Variants in ITPR2 observed in about 807,000 individuals in gnomAD.
The protein encoded by ITPR2 is inositol 1,4,5-trisphosphate receptor type 2.
Under a neutral mutation model 317.1 loss-of-function variants are expected in ITPR2, and 207 were observed. The observed-to-expected ratio is 0.65, with a 90% CI of 0.58 to 0.73. ITPR2 has a LOEUF of 0.73. Ranked by LOEUF, ITPR2 falls within the 30% of genes least tolerant of loss-of-function variation. ITPR2 has a pLI of 0.00. For synonymous variants in ITPR2, 1,156 were observed against 1,149.1 expected (o/e 1.01, Z -0.12); for missense variants, 2,613 against 3,284.0 (o/e 0.80, Z 4.99).
chr12:26,350,620 A>G (rs1402940719), intron 55 of ITPR2, among the ~76,000 whole-genome samples: 1 of 151,874 alleles, frequency 6.6e-6, no homozygotes, highest in African/African-American at 2.4e-5. Flanking sequence ...AGGACCCTTG[A>G]GCTTAGCTTT....
intron 19 of ITPR2, 83 bp downstream of exon 19, chr12:26,656,214 A>G (rs777089936): frequency 2.1e-5 from 32 of 1,524,886 alleles, no homozygotes; most frequent in Non-Finnish European, 2.5e-5. Context: ...GCCTTTCCAC[A>G]TGTTTCATTT....
In ITPR2 at chr12:26,602,572, G is replaced by A. The variant is rs760340842; in HGVS notation, c.3552+45C>T. On this transcript the variant is annotated intron_variant, in intron 27 of 56. Coordinates refer to ENST00000381340, the MANE Select transcript of ITPR2 (RefSeq NM_002223.4). Reference sequence around the variant, plus strand: ...ATAATATATAAGCAAAACTTATTTGGCATGCAAATATAAACCTATATAAGA... The same window carrying A: ...ATAATATATAAGCAAAACTTATTTGACATGCAAATATAAACCTATATAAGA... The A allele has an allele frequency of 1.5e-5, 23 of 1,558,358 alleles. No homozygotes were observed. In the South Asian group the frequency reaches 2.4e-4, roughly 16 times the overall value.
intron 2 of ITPR2, among the ~76,000 whole-genome samples, chr12:26,764,766 T>C (rs1349610190): frequency 6.6e-6 from 1 of 151,982 alleles, no homozygotes; most frequent in Non-Finnish European, 1.5e-5. Context: ...AGAGAAATTA[T>C]ATAGATGGCA....
intron 45 of ITPR2, among the ~76,000 whole-genome samples, chr12:26,445,714 C>T (rs529713125): frequency 1.3e-5 from 2 of 152,002 alleles, no homozygotes; most frequent in Admixed American, 1.3e-4. Context: ...GATACCAAAG[C>T]TTAATTGTAG....
chr12:26,488,331 T>C (rs768274743), intron 39 of ITPR2, among the ~76,000 whole-genome samples: 14 of 152,000 alleles, frequency 9.2e-5, no homozygotes, highest in Non-Finnish European at 1.5e-5. Context: ...CCTACTCCAA[T>C]ATAAGAACAT....
intron 1 of ITPR2, among the ~76,000 whole-genome samples, chr12:26,823,065 C>T (rs1950961698): frequency 6.6e-6 from 1 of 152,034 alleles, no homozygotes; most frequent in Admixed American, 6.6e-5. Flanking sequence ...AAAATGCCAC[C>T]TCCTCCTTGA....
chr12:26,783,420 G>T (rs1950130341), intron 2 of ITPR2, among the ~76,000 whole-genome samples: 1 of 152,152 alleles, frequency 6.6e-6, no homozygotes, highest in South Asian at 2.1e-4. Flanking sequence ...AATGGTCCCT[G>T]GGTTCTCCAT....
At chr12:26,828,532 A>G (rs1352704504) in intron 1 of ITPR2, among the ~76,000 whole-genome samples, 2 of 152,230 alleles carry the variant, frequency 1.3e-5, no homozygotes, top group African/African-American at 4.8e-5. Flanking sequence ...ACAGACAGAA[A>G]GCAGAGGGAA....
In ITPR2 at chr12:26,580,484, T is replaced by G. The variant is rs1945377259; in HGVS notation, c.4381-329A>C. 2.0e-5 allele frequency among the ~76,000 whole-genome samples: 3 copies of G among 152,132 alleles called. No individual in the cohort carries two copies. In the South Asian group the frequency reaches 6.2e-4, roughly 32 times the overall value. ...AAGCTTGGCTTTGCTGGAGAACACT[T>G]TTCCACTCAATGTAAGAGACCAAAG... is the stretch of plus-strand genomic sequence containing the variant. On this transcript the variant is annotated intron_variant, in intron 32 of 56. Transcript: ENST00000381340.
intron 37 of ITPR2, among the ~76,000 whole-genome samples, chr12:26,529,416 G>A (rs1044641396): frequency 3.3e-5 from 5 of 152,168 alleles, no homozygotes; most frequent in African/African-American, 1.2e-4. Context: ...TTGGGTGTGT[G>A]CTGTTTCCTC....
intron 9 of ITPR2, among the ~76,000 whole-genome samples, chr12:26,705,073 C>T (rs1314568850): frequency 6.6e-6 from 1 of 152,154 alleles, no homozygotes; most frequent in African/African-American, 2.4e-5. Context: ...AATGCAAAAA[C>T]AGCAGCATCC....
chr12:26,562,429 C>T (rs1944844035), intron 34 of ITPR2, among the ~76,000 whole-genome samples: 1 of 152,162 alleles, frequency 6.6e-6, no homozygotes, highest in African/African-American at 2.4e-5. Flanking sequence ...GAAGAGGGCA[C>T]TCTTCCCGAG....
chr12:26,480,178 A>G (rs767648151), intron 43 of ITPR2, among the ~76,000 whole-genome samples: 1 of 152,192 alleles, frequency 6.6e-6, no homozygotes, highest in African/African-American at 2.4e-5. Context: ...CCTAAACACA[A>G]TAATGTGGTC....
At chr12:26,481,860 G>T (rs1246112686) in intron 42 of ITPR2, among the ~76,000 whole-genome samples, 1 of 152,152 alleles carries the variant, frequency 6.6e-6, no homozygotes, top group Non-Finnish European at 1.5e-5. Flanking sequence ...AAACTTACAT[G>T]AGGGAATCTT....
intron 13 of ITPR2, among the ~76,000 whole-genome samples, chr12:26,676,477 TAAA>T (rs75516235): frequency 2.3e-5 from 3 of 131,434 alleles, no homozygotes; most frequent in Admixed American, 7.7e-5. Flanking sequence ...ACTCTGTCTC[TAAA>T]AAAAAAAAAA....
rs376571471 is a variant in ITPR2 at position 26,387,972 on chromosome 12, G to GA, written c.7697-379dup. On this transcript the variant is annotated intron_variant, in intron 54 of 56. Transcript: ENST00000381340. The stretch of plus-strand genomic sequence containing the variant: ...AAAGGTATGCTTGCTAATCAGGACA[G>GA]AAAAAAAAAATGTCATTTTACCCAG... Among the ~76,000 whole-genome samples, 971 of 148,670 alleles carry GA rather than the reference G, an allele frequency of 6.5e-3. 10 individuals are homozygous for GA. Among genetic ancestry groups the GA allele is most frequent in the African/African-American group, 0.022 (909 of 40,606 alleles).
At chr12:26,574,874 T>A (rs1945240176) in intron 34 of ITPR2, among the ~76,000 whole-genome samples, 1 of 151,802 alleles carries the variant, frequency 6.6e-6, no homozygotes. Flanking sequence ...AAGAACTCAC[T>A]TATCACCGAG....
chr12:26,337,562 A>T lies in ITPR2; in HGVS notation c.*1835T>A, dbSNP rs1034128621. ...CATTTTAAACAAACAAATATGTGGT[A>T]TCATTTAAAGTTTTATAAAGAATTA... is the stretch of plus-strand genomic sequence containing the variant. On this transcript the variant is annotated 3_prime_UTR_variant, in exon 57 of 57. Transcript: ENST00000381340. The T allele has an allele frequency of 6.6e-6, 1 of 152,238 alleles. No individual in the cohort carries two copies. Among genetic ancestry groups the T allele is most frequent in the Non-Finnish European group, 1.5e-5 (1 of 68,044 alleles). The allele number at this position is 152,238 out of a possible 1,614,324, so 9.4% of individuals were successfully genotyped here. A position where few individuals can be genotyped will look rare whatever the true frequency, so the allele number is the denominator to read the frequency against.
intron 2 of ITPR2, among the ~76,000 whole-genome samples, chr12:26,738,072 C>G (rs1024474073): frequency 1.3e-5 from 2 of 152,134 alleles, no homozygotes; most frequent in Non-Finnish European, 2.9e-5. Flanking sequence ...ACTGAGCACT[C>G]TATGCCAAGT....
Sources: allele counts gnomAD v4.1 joint callset (sites outside exome capture counted in the v4.1 genomes callset), GRCh38; gene constraint gnomAD v4.1.1; transcripts MANE v1.5; gene names NCBI Gene and HGNC (gene_info 2026-07-23, HGNC 2026-07-21).